The following KCTD1 variants were observed in gnomAD, a reference collection of about 807,000 sequenced individuals.
KCTD1 encodes potassium channel tetramerization domain containing 1.
A neutral mutation model predicts 66.0 loss-of-function variants in KCTD1; 24 were observed. That is an observed-to-expected ratio of 0.36 (90% CI 0.26 to 0.51). The LOEUF is 0.51. KCTD1 is among the 20% of genes least tolerant of loss of function. The probability of loss-of-function intolerance (pLI) is 0.95; values close to 1 mark genes in which losing one functional copy is unlikely to be tolerated. For synonymous variants in KCTD1, 511 were observed against 517.2 expected, an observed-to-expected ratio of 0.99 and a Z score of 0.16; for missense variants, 943 against 1,205.2, an observed-to-expected ratio of 0.78 and a Z score of 3.22.
At chr18:26,551,945 A>G (rs968763445), upstream of KCTD1, among the ~76,000 whole-genome samples, 3 of 152,158 alleles carry the variant, frequency 2.0e-5, no homozygotes, top group African/African-American at 7.2e-5. Context: ...CACCCCTTTG[A>G]AAGGATGCTT....
At chr18:26,646,811 A>G (rs1411937026) in intron 1 of KCTD1, among the ~76,000 whole-genome samples, 1 of 152,248 alleles carries the variant, frequency 6.6e-6, no homozygotes, top group East Asian at 1.9e-4. Flanking sequence ...TCTGTTTCTA[A>G]TGCATTTTGA....
At chr18:26,526,027 A>G (rs890630994) in intron 1 of KCTD1, among the ~76,000 whole-genome samples, 10 of 152,092 alleles carry the variant, frequency 6.6e-5, no homozygotes, top group South Asian at 6.2e-4. Context: ...GTAGGTGTTT[A>G]GTGAAGAGTA....
intron 1 of KCTD1, among the ~76,000 whole-genome samples, chr18:26,513,692 T>C (rs1461392854): frequency 1.3e-5 from 2 of 152,262 alleles, no homozygotes; most frequent in Non-Finnish European, 1.5e-5. Flanking sequence ...TGCTCTGTAA[T>C]GCTCTTTCCA....
At chr18:26,626,200 C>T (rs910220081) in intron 1 of KCTD1, among the ~76,000 whole-genome samples, 32 of 151,814 alleles carry the variant, frequency 2.1e-4, no homozygotes, top group African/African-American at 7.0e-4. Context: ...GGAGCCAACT[C>T]GATTAGGACT....
At chr18:26,644,675 T>C (rs1987897991), upstream of KCTD1, among the ~76,000 whole-genome samples, 1 of 151,750 alleles carries the variant, frequency 6.6e-6, no homozygotes. Flanking sequence ...GGAGAATCAC[T>C]TGAACCTGGG....
chr18:26,570,449 C>T (rs1322800777), intron 1 of KCTD1, among the ~76,000 whole-genome samples: 1 of 152,024 alleles, frequency 6.6e-6, no homozygotes, highest in Non-Finnish European at 1.5e-5. Flanking sequence ...TGCTCTGTTG[C>T]CCAGGCTGGA....
intron 1 of KCTD1, among the ~76,000 whole-genome samples, chr18:26,603,248 G>A (rs1221329423): frequency 1.3e-5 from 2 of 151,846 alleles, no homozygotes; most frequent in Middle Eastern, 3.4e-3. Flanking sequence ...TGGGCAACAT[G>A]GTGAAACCTT....
chr18:26,534,353 T>C (rs750168323), intron 1 of KCTD1, among the ~76,000 whole-genome samples: 8 of 152,178 alleles, frequency 5.3e-5, no homozygotes, highest in Non-Finnish European at 1.0e-4. Context: ...TTAATATCCA[T>C]CTTTCTCTAA....
intron 2 of KCTD1, among the ~76,000 whole-genome samples, chr18:26,496,645 A>G (rs1982486084): frequency 6.6e-6 from 1 of 152,162 alleles, no homozygotes; most frequent in Admixed American, 6.6e-5. Context: ...GATGATGGAG[A>G]TGAATGAACA....
chr18:26,476,426 G>A lies in KCTD1; in HGVS notation c.2133+89C>T. On this transcript the variant is annotated intron_variant, in intron 3 of 4. Transcript: ENST00000580059. This position sits in a 1 kb window ranked among gnomAD's most constrained non-coding sequence, Gnocchi z 4.9. ...TCTGGCACCTTTCGAGTTGGTGTATGTTAATAATGTAGAACTAGAAATATT... is the reference window on the plus strand; with the variant it reads ...TCTGGCACCTTTCGAGTTGGTGTATATTAATAATGTAGAACTAGAAATATT... The A allele has an allele frequency of 7.9e-7, 1 of 1,272,448 alleles. No individual in the cohort carries two copies. The highest frequency in any genetic ancestry group is 1.1e-6 in the Non-Finnish European group (1 of 925,968). 78.8% of individuals were successfully genotyped at this position (1,272,448 alleles called of 1,614,324 possible). A position where few individuals can be genotyped will look rare whatever the true frequency, so the allele number is the denominator to read the frequency against.
intron 1 of KCTD1, among the ~76,000 whole-genome samples, chr18:26,502,202 A>C (rs1339511026): frequency 6.6e-6 from 1 of 152,188 alleles, no homozygotes; most frequent in Non-Finnish European, 1.5e-5. Context: ...GGCGTCCGCC[A>C]CCACGCCCAG....
At chr18:26,596,195 G>C (rs1014664344) in intron 1 of KCTD1, among the ~76,000 whole-genome samples, 1 of 152,158 alleles carries the variant, frequency 6.6e-6, no homozygotes, top group Non-Finnish European at 1.5e-5. Context: ...GGTAACTAGG[G>C]TTAGGTAAGG....
chr18:26,604,521 AG>A (rs1986969390), intron 1 of KCTD1, among the ~76,000 whole-genome samples: 1 of 152,268 alleles, frequency 6.6e-6, no homozygotes, highest in African/African-American at 2.4e-5. Context: ...ATGTCTATAA[AG>A]AAAATGTGGT....
intron 2 of KCTD1, among the ~76,000 whole-genome samples, chr18:26,481,250 G>A (rs12965772): frequency 0.11 from 17,330 of 152,112 alleles, 1,057 homozygotes; most frequent in Non-Finnish European, 0.13. Flanking sequence ...TGTGTCACTG[G>A]GTGTGCACAG....
chr18:26,472,820 T>C (rs1331649333), intron 3 of KCTD1, among the ~76,000 whole-genome samples: 1 of 152,224 alleles, frequency 6.6e-6, no homozygotes, highest in African/African-American at 2.4e-5. Flanking sequence ...GTCCTGGTTC[T>C]CTCCCTAGGT....
At chr18:26,637,549 CAG>C (rs1432819654) in intron 1 of KCTD1, among the ~76,000 whole-genome samples, 1 of 152,182 alleles carries the variant, frequency 6.6e-6, no homozygotes, top group African/African-American at 2.4e-5. Context: ...GAGCTGGAAA[CAG>C]AGGGAAGTTA....
chr18:26,505,363 A>G (rs887862389), intron 1 of KCTD1, among the ~76,000 whole-genome samples: 2 of 152,374 alleles, frequency 1.3e-5, no homozygotes, highest in South Asian at 4.1e-4. Context: ...GTGCCGTCAC[A>G]CTGCTGAAGA....
chr18:26,540,397 CA>C (rs1401226063), intron 1 of KCTD1, among the ~76,000 whole-genome samples: 1 of 152,216 alleles, frequency 6.6e-6, no homozygotes, highest in African/African-American at 2.4e-5. Flanking sequence ...TTCCAGGGTT[CA>C]CTGCCAGTCG....
intron 1 of KCTD1, chr18:26,581,472 C>G (rs1942429): frequency 0.99 from 151,306 of 152,338 alleles, 75,152 homozygotes; most frequent in Middle Eastern, 1. Context: ...TGCCCAGGCT[C>G]ATCTCAAACT....
Sources: gnomAD v4.1 joint callset for allele counts (sites outside exome capture counted in the v4.1 genomes callset) on GRCh38, gnomAD v4.1.1 for gene constraint, Gnocchi (gnomAD v3.1) non-coding constraint, MANE v1.5 for transcripts, NCBI Gene and HGNC (gene_info 2026-07-23, HGNC 2026-07-21) for gene names.